GAS7: variants seen among roughly 807,000 people sequenced by gnomAD.
GAS7 encodes the protein growth arrest-specific protein 7.
Under a neutral mutation model 71.1 loss-of-function variants are expected in GAS7, and 28 were observed. That is an observed-to-expected ratio of 0.39 (90% CI 0.29 to 0.54). The LOEUF (loss-of-function observed/expected upper bound fraction) is 0.54. Ranked by LOEUF, GAS7 falls within the 20% of genes least tolerant of loss-of-function variation. The probability of loss-of-function intolerance (pLI) is 0.62; values close to 1 mark genes in which losing one functional copy is unlikely to be tolerated. For missense variants in GAS7, 436 were observed against 627.8 expected (o/e 0.69, Z 3.27); for synonymous variants, 258 against 245.8 (o/e 1.05, Z -0.46).
intron 2 of GAS7, among the ~76,000 whole-genome samples, chr17:10,009,475 A>G (rs2071674411): frequency 6.6e-6 from 1 of 152,080 alleles, no homozygotes; most frequent in Non-Finnish European, 1.5e-5. Flanking sequence ...CCAAAAGCTC[A>G]CATCCTGGTT....
chr17:10,067,691 C>A (rs530937061), intron 1 of GAS7, among the ~76,000 whole-genome samples: 1 of 152,254 alleles, frequency 6.6e-6, no homozygotes, highest in Non-Finnish European at 1.5e-5. Flanking sequence ...GGAATGTCTG[C>A]AAACACCTGT....
chr17:9,986,074 C>T (rs904417209), intron 2 of GAS7, among the ~76,000 whole-genome samples: 1 of 152,190 alleles, frequency 6.6e-6, no homozygotes, highest in Non-Finnish European at 1.5e-5. Context: ...CCTTGAGGGT[C>T]GAAGCCACGG....
chr17:10,005,216 CGTGTGCATGTATGTGTATGT>C (rs1567880474), intron 2 of GAS7, among the ~76,000 whole-genome samples: 3 of 125,430 alleles, frequency 2.4e-5, no homozygotes, highest in African/African-American at 1.3e-4. Context: ...TGCATGTGCG[CGTGTGCATGTATGTGTATGT>C]GCGCGCATGC....
intron 1 of GAS7, among the ~76,000 whole-genome samples, chr17:10,145,177 G>A (rs2074112357): frequency 6.6e-6 from 1 of 152,218 alleles, no homozygotes; most frequent in African/African-American, 2.4e-5. Context: ...TGGTGTCTGG[G>A]GCTGACAGCC....
At chr17:9,967,421 C>A (rs899894981) in intron 4 of GAS7, among the ~76,000 whole-genome samples, 11 of 39,430 alleles carry the variant, frequency 2.8e-4, no homozygotes, top group Admixed American at 4.3e-4. Flanking sequence ...CAGTAGCACC[C>A]CCCCTCCCCA....
intron 1 of GAS7, among the ~76,000 whole-genome samples, chr17:10,190,849 CAA>C (rs199548142): frequency 1.5e-5 from 2 of 136,622 alleles, no homozygotes; most frequent in South Asian, 2.3e-4. Flanking sequence ...ATATATCTCA[CAA>C]AAAAAAAAAA....
At chr17:10,000,886 A>G (rs957516806) in intron 2 of GAS7, among the ~76,000 whole-genome samples, 2 of 152,172 alleles carry the variant, frequency 1.3e-5, no homozygotes, top group Non-Finnish European at 2.9e-5. Flanking sequence ...CAGGAGCAGA[A>G]AGCAAGCGAA....
At chr17:10,002,090 T>C (rs1199926664) in intron 2 of GAS7, among the ~76,000 whole-genome samples, 5 of 148,608 alleles carry the variant, frequency 3.4e-5, no homozygotes, top group Non-Finnish European at 7.4e-5. Flanking sequence ...GGGAAGTGTG[T>C]CAGTTTCCAG....
At chr17:10,115,894 G>A (rs759331664) in intron 1 of GAS7, among the ~76,000 whole-genome samples, 3 of 152,190 alleles carry the variant, frequency 2.0e-5, no homozygotes, top group Non-Finnish European at 2.9e-5. Flanking sequence ...CCCTGGGGGT[G>A]GCAGTGGAGA....
intron 4 of GAS7, among the ~76,000 whole-genome samples, chr17:9,963,408 T>C (rs934869149): frequency 2.6e-5 from 4 of 152,208 alleles, no homozygotes; most frequent in African/African-American, 7.2e-5. Flanking sequence ...CACTGAATTG[T>C]ATACACTTTA....
At chr17:10,006,578 C>T (rs2071542141) in intron 2 of GAS7, among the ~76,000 whole-genome samples, 1 of 152,068 alleles carries the variant, frequency 6.6e-6, no homozygotes, top group Non-Finnish European at 1.5e-5. Flanking sequence ...ATCCACCTGC[C>T]TCGGCCTCCC....
At chr17:10,076,952 C>T (rs532532292) in intron 1 of GAS7, among the ~76,000 whole-genome samples, 3 of 152,278 alleles carry the variant, frequency 2.0e-5, no homozygotes, top group African/African-American at 4.8e-5. Flanking sequence ...CTAGTGACTC[C>T]GCCAGAAAAT....
Position 9,981,693 on chromosome 17 carries a change from G to T in GAS7, c.385+111C>A. The stretch of plus-strand genomic sequence containing the variant: ...CCTCTCCCAGGCCCAACCCCTCCCT[G>T]GGTTTGCTACATCAGCCAGGTTTAA... On this transcript the variant is annotated intron_variant, in intron 3 of 13. Transcript: ENST00000432992. This position sits in a 1 kb window ranked among gnomAD's most constrained non-coding sequence, Gnocchi z 4.4. The T allele has an allele frequency of 1.4e-6, 1 of 705,762 alleles. No individual in the cohort carries two copies. Among genetic ancestry groups the T allele is most frequent in the South Asian group, 1.7e-5 (1 of 59,938 alleles). The allele number at this position is 705,762 out of a possible 1,614,324, so 43.7% of individuals were successfully genotyped here.
At chr17:10,047,551 A>G (rs1013223687) in intron 1 of GAS7, among the ~76,000 whole-genome samples, 1 of 152,222 alleles carries the variant, frequency 6.6e-6, no homozygotes, top group Non-Finnish European at 1.5e-5. Context: ...GGGTGAGGAA[A>G]CACCATCCTG....
intron 1 of GAS7, among the ~76,000 whole-genome samples, chr17:10,122,056 C>T (rs1456384423): frequency 6.6e-6 from 1 of 152,192 alleles, no homozygotes; most frequent in African/African-American, 2.4e-5. Flanking sequence ...AAACGGCACA[C>T]ACCAAGGCCC....
chr17:10,091,093 C>T (rs2073577400), intron 1 of GAS7, among the ~76,000 whole-genome samples: 1 of 152,156 alleles, frequency 6.6e-6, no homozygotes, highest in Admixed American at 6.5e-5. Flanking sequence ...CCTCAATGCT[C>T]TCCCTGCTTT....
rs72824215 is a variant in GAS7, at chr17:9,911,184, G to C, written c.*6044C>G. The stretch of plus-strand genomic sequence containing the variant: ...TGGAACCCACGACTCCCGAGAGCCC[G>C]TCTGCTGCAGGTGATGCTGGAAGGG... On this transcript the variant is annotated 3_prime_UTR_variant, in exon 14 of 14. Coordinates refer to ENST00000432992, the MANE Select transcript of GAS7 (RefSeq NM_201433.2). The surrounding 1 kb of genome is among the most constrained non-coding windows in gnomAD (Gnocchi z 4.0). 7.3e-4 allele frequency: 171 copies of C among 233,252 alleles called. 1 individual carries two copies. The highest frequency in any genetic ancestry group is 3.4e-3 in the African/African-American group (154 of 45,444). The allele number at this position is 233,252 out of a possible 1,614,324, so 14.4% of individuals were successfully genotyped here. A position where few individuals can be genotyped will look rare whatever the true frequency, so the allele number is the denominator to read the frequency against.
rs745434889 is a variant in GAS7 at position 9,912,609 on chromosome 17, C to G, written c.*4619G>C. 6 of 232,998 alleles carry G rather than the reference C, an allele frequency of 2.6e-5. No homozygotes were observed. In the East Asian group the frequency reaches 3.6e-4, roughly 14 times the overall value. 14.4% of individuals were successfully genotyped at this position (232,998 alleles called of 1,614,324 possible). On this transcript the variant is annotated 3_prime_UTR_variant, in exon 14 of 14. Transcript: ENST00000432992. ...AGCAGACGTGAGCAGCAATTGAGCA[C>G]CCATCCGTCCCTTCCCCTCCCATCC...
At chr17:9,987,817 T>G (rs946270741) in intron 2 of GAS7, among the ~76,000 whole-genome samples, 1 of 152,256 alleles carries the variant, frequency 6.6e-6, no homozygotes, top group Admixed American at 6.5e-5. Flanking sequence ...TTCCCCTTGT[T>G]AAGGCTGCAT....
Sources: allele counts gnomAD v4.1 joint callset (sites outside exome capture counted in the v4.1 genomes callset), GRCh38; gene constraint gnomAD v4.1.1; non-coding constraint Gnocchi (gnomAD v3.1); transcripts MANE v1.5; gene names NCBI Gene and HGNC (gene_info 2026-07-23, HGNC 2026-07-21).